Variants in ZNF264 observed in about 807,000 individuals in gnomAD.
ZNF264 encodes zinc finger protein 264.
ZNF264 carries 11 observed loss-of-function variants against 11.2 expected under a neutral mutation model. The ratio of observed to expected loss-of-function variants is 0.98; its 90% CI spans 0.62 to 1.63. The LOEUF (loss-of-function observed/expected upper bound fraction) is 1.63, where lower values mean the gene tolerates loss of function less well. Ranked by LOEUF, ZNF264 falls within the 40% of genes most tolerant of loss-of-function variation. The pLI is 0.00. For synonymous variants in ZNF264, 309 were observed against 279.8 expected (o/e 1.10, Z -1.04); for missense variants, 752 against 768.1 (o/e 0.98, Z 0.25).
intron 2 of ZNF264, among the ~76,000 whole-genome samples, chr19:57,199,020 G>A (rs1017063666): frequency 2.6e-5 from 4 of 151,914 alleles, no homozygotes; most frequent in Admixed American, 2.6e-4. Context: ...TAGGATTGCA[G>A]TAGGCTTCCT....
rs1241614448 is a variant in ZNF264, at chr19:57,212,012, T to C, written c.915T>C (p.His305=). The change falls in exon 4 of 4, where the codon CAT becomes CAC. Residue 305 remains histidine, a synonymous_variant. Transcript: ENST00000263095. ...AFTHRSNFVL[H]NRRHTGEKSF... ...CCCACCGCTCCAATTTTGTCTTGCA[T>C]AACAGGAGACACACTGGAGAAAAAT... 6.2e-7 allele frequency: 1 copy of C among 1,613,904 alleles called. No individual in the cohort carries two copies. Among genetic ancestry groups the C allele is most frequent in the Non-Finnish European group, 8.5e-7 (1 of 1,179,960 alleles).
intron 1 of ZNF264, chr19:57,192,195 A>G (rs1321922356): frequency 1.9e-5 from 8 of 417,220 alleles, no homozygotes; most frequent in Non-Finnish European, 2.6e-5. Context: ...GCCTGCAAGC[A>G]TTCTCTGGTG....
chr19:57,191,966 G>T lies in ZNF264; in HGVS notation c.33+20G>T. 6.6e-7 allele frequency: 1 copy of T among 1,526,106 alleles called. No homozygotes were observed. The highest frequency in any genetic ancestry group is 8.8e-7 in the Non-Finnish European group (1 of 1,135,660). 94.5% of individuals were successfully genotyped at this position (1,526,106 alleles called of 1,614,324 possible). ...GCCCAGGTGAGTGGACGGTGGCTTC[G>T]CGGTTGCCGCTTCCTTGCCAGCGCT... On this transcript the variant is annotated intron_variant, in intron 1 of 3. Coordinates refer to ENST00000263095, the MANE Select transcript of ZNF264 (RefSeq NM_003417.5).
chr19:57,212,654 G>A lies in ZNF264; in HGVS notation c.1557G>A (p.Ser519=), dbSNP rs1218880103. 4 of 1,613,284 alleles carry A rather than the reference G, an allele frequency of 2.5e-6. No individual in the cohort carries two copies. Among genetic ancestry groups the A allele is most frequent in the East Asian group, 2.2e-5 (1 of 44,780 alleles). ...KPYECVECGK[S]FCWSTNLIRH... ...ATGAATGTGTTGAGTGTGGGAAATC[G>A]TTTTGCTGGAGCACAAACCTCATTC... Residue 519 remains serine (S), a synonymous_variant, in exon 4 of 4, where the codon TCG becomes TCA. Coordinates refer to ENST00000263095, the MANE Select transcript of ZNF264 (RefSeq NM_003417.5).
chr19:57,208,133 G>T (rs2087307662), intron 3 of ZNF264, among the ~76,000 whole-genome samples: 1 of 152,212 alleles, frequency 6.6e-6, no homozygotes, highest in South Asian at 2.1e-4. Flanking sequence ...GGGATTACAG[G>T]CGTAAGCCAC....
In ZNF264 at chr19:57,202,611, C is replaced by T. The variant is rs1442495787; in HGVS notation, c.161-2786C>T. Among the ~76,000 whole-genome samples the T allele has an allele frequency of 1.3e-5, 2 of 151,812 alleles. 1 individual carries two copies. The highest frequency in any genetic ancestry group is 4.9e-5 in the African/African-American group (2 of 41,128). On this transcript the variant is annotated intron_variant, in intron 2 of 3. Transcript: ENST00000263095. ...AGGAATGTTGATGTTTTGAAGCTTC[C>T]ATAAAGACTCCAAGAGGTCACAGTT...
At chr19:57,208,325 A>C (rs1201246666) in intron 3 of ZNF264, among the ~76,000 whole-genome samples, 1 of 151,764 alleles carries the variant, frequency 6.6e-6, no homozygotes, top group Non-Finnish European at 1.5e-5. Flanking sequence ...TGGGAGGATT[A>C]CTTGAGCTCA....
chr19:57,194,066 C>T (rs751534117), intron 2 of ZNF264, 65 bp downstream of exon 2: 3 of 1,539,674 alleles, frequency 1.9e-6, no homozygotes, highest in South Asian at 1.3e-5. Flanking sequence ...CATCTTCTGA[C>T]TCCAGGCCTG....
chr19:57,197,278 C>T (rs557222080), intron 2 of ZNF264, among the ~76,000 whole-genome samples: 9 of 151,602 alleles, frequency 5.9e-5, no homozygotes, highest in Non-Finnish European at 1.2e-4. Flanking sequence ...TGCTGCTGTG[C>T]GTGACCCACT....
intron 2 of ZNF264, among the ~76,000 whole-genome samples, chr19:57,203,109 G>T (rs116291491): frequency 6.6e-6 from 1 of 152,076 alleles, no homozygotes; most frequent in South Asian, 2.1e-4. Flanking sequence ...TTTTCCCTGC[G>T]TATTGGGTTT....
intron 2 of ZNF264, among the ~76,000 whole-genome samples, chr19:57,194,419 C>T (rs2087197446): frequency 6.6e-6 from 1 of 152,070 alleles, no homozygotes; most frequent in African/African-American, 2.4e-5. Context: ...TTAGGGTTCT[C>T]TAAAGGGACA....
rs780303265 is a variant in ZNF264, at chr19:57,212,594, G to A, written c.1497G>A (p.Thr499=). 40 of 1,613,838 alleles carry A rather than the reference G, an allele frequency of 2.5e-5. No individual in the cohort carries two copies. The highest frequency in any genetic ancestry group is 6.7e-5 in the African/African-American group (5 of 74,834). The change falls in exon 4 of 4, where the codon ACG becomes ACA. Residue 499 remains threonine, a synonymous_variant. Transcript: ENST00000263095. ...CCTTCACCCGCATGTCGGGCCTCAC[G>A]AGGCACAAGCGGATTCATAGTGGAG... ...GKAFTRMSGL[T]RHKRIHSGEK... is the part of the protein sequence containing the mutation.
In ZNF264 at chr19:57,201,399, G is replaced by A. The variant is rs185456583; in HGVS notation, c.161-3998G>A. 1.5e-3 allele frequency among the ~76,000 whole-genome samples: 221 copies of A among 151,958 alleles called. 5 individuals are homozygous for A. The highest frequency in any genetic ancestry group is 5.2e-3 in the African/African-American group (216 of 41,290). ...CTGTCCCAAGTGTAATCAGTCCCCC[G>A]CTAAATGACTAGTCTCTTACAGGAT... On this transcript the variant is annotated intron_variant, in intron 2 of 3. Coordinates refer to ENST00000263095, the MANE Select transcript of ZNF264 (RefSeq NM_003417.5).
Position 57,191,944 on chromosome 19 carries a change from C to T in ZNF264, c.31C>T (p.Gln11Ter). 5.2e-6 allele frequency: 8 copies of T among 1,538,800 alleles called. No homozygotes were observed. The highest frequency in any genetic ancestry group is 7.0e-6 in the Non-Finnish European group (8 of 1,141,152). ...GGCAGCGGTGCTGACGGACCGGGCC[C>T]AGGTGAGTGGACGGTGGCTTCGCGG... MAAAVLTDRA[Q>*]VSVTFDDVAV... Residue 11 changes from glutamine to a stop codon, truncating the protein, a stop_gained and splice_region_variant, in exon 1 of 4, where the codon CAG (glutamine) becomes TAG (stop). Coordinates refer to ENST00000263095, the MANE Select transcript of ZNF264 (RefSeq NM_003417.5). LOFTEE classifies it high-confidence loss of function.
intron 1 of ZNF264, 26 bp downstream of exon 1, chr19:57,191,972 G>A (rs1322602389): frequency 6.6e-7 from 1 of 1,525,492 alleles, no homozygotes; most frequent in Non-Finnish European, 8.8e-7. Context: ...CTTCGCGGTT[G>A]CCGCTTCCTT....
rs544358864 is a variant in ZNF264, at chr19:57,197,180, G to A, written c.160+3179G>A. On this transcript the variant is annotated intron_variant, in intron 2 of 3. Transcript: ENST00000263095. ...GGGGTGGCAGGAGTGGAGTCTGTGG[G>A]CATTTGAGCCACTTCCTCATGTAAC... Among the ~76,000 whole-genome samples the A allele has an allele frequency of 3.0e-4, 45 of 151,990 alleles. No individual in the cohort carries two copies. The South Asian group carries it at 8.9e-3, about 30-fold the overall frequency.
chr19:57,191,608 C>T lies in ZNF264; in HGVS notation c.-306C>T, dbSNP rs1402041792. On this transcript the variant is annotated 5_prime_UTR_variant, in exon 1 of 4. Coordinates refer to ENST00000263095, the MANE Select transcript of ZNF264 (RefSeq NM_003417.5). ...CCGAGCAGGGGAGTAGGATAGGAATCCCCGCCGCACCTTTGTACGAGCCTG... is the reference window on the plus strand; with the variant it reads ...CCGAGCAGGGGAGTAGGATAGGAATTCCCGCCGCACCTTTGTACGAGCCTG... The T allele has an allele frequency of 2.8e-6, 1 of 351,000 alleles. No individual in the cohort carries two copies. Among genetic ancestry groups the T allele is most frequent in the South Asian group, 1.4e-4 (1 of 6,900 alleles). 21.7% of individuals were successfully genotyped at this position (351,000 alleles called of 1,614,324 possible).
intron 3 of ZNF264, among the ~76,000 whole-genome samples, chr19:57,209,087 T>C (rs2087315238): frequency 6.6e-6 from 1 of 152,102 alleles, no homozygotes; most frequent in Non-Finnish European, 1.5e-5. Context: ...ATCACTTATA[T>C]ATGCTGAAAA....
chr19:57,193,585 T>C (rs2087190675), intron 1 of ZNF264: 1 of 972,412 alleles, frequency 1.0e-6, no homozygotes, highest in Admixed American at 6.2e-5. Context: ...CATTTCCCCA[T>C]TTCCCTGTCG....
Sources: allele counts gnomAD v4.1 joint callset (sites outside exome capture counted in the v4.1 genomes callset), GRCh38; gene constraint gnomAD v4.1.1; transcripts MANE v1.5; gene names NCBI Gene and HGNC (gene_info 2026-07-23, HGNC 2026-07-21).